The following RALYL variants were observed in gnomAD, a reference collection of about 807,000 sequenced individuals.
The protein encoded by RALYL is RALY RNA binding protein like.
A neutral mutation model predicts 35.1 loss-of-function variants in RALYL; 29 were observed. That is an observed-to-expected ratio of 0.83 (90% CI 0.61 to 1.13). The LOEUF (loss-of-function observed/expected upper bound fraction) is 1.13. Among genes scored for constraint, RALYL ranks in the 50% most tolerant of loss-of-function variants. RALYL has a pLI of 0.00. For synonymous variants in RALYL, 120 were observed against 127.6 expected (o/e 0.94, Z 0.40); for missense variants, 359 against 360.4 (o/e 1.00, Z 0.03).
chr8:84,352,815 G>A (rs1010817152), intron 1 of RALYL, among the ~76,000 whole-genome samples: 1 of 150,188 alleles, frequency 6.7e-6, no homozygotes, highest in South Asian at 2.1e-4. Context: ...TGTTGGCCAT[G>A]GGGAACTGAT....
At chr8:84,480,903 G>T (rs2053973928) in intron 1 of RALYL, among the ~76,000 whole-genome samples, 1 of 151,948 alleles carries the variant, frequency 6.6e-6, no homozygotes, top group African/African-American at 2.4e-5. Context: ...ATAAAATAGA[G>T]ATATTCAGAG....
intron 4 of RALYL, among the ~76,000 whole-genome samples, chr8:84,816,638 C>T (rs550086371): frequency 2.6e-5 from 4 of 151,696 alleles, no homozygotes; most frequent in South Asian, 4.2e-4. Flanking sequence ...GGGGCAGGGG[C>T]GGGGGTATGG....
chr8:84,870,273 T>C (rs1839957574), intron 6 of RALYL, among the ~76,000 whole-genome samples: 1 of 151,812 alleles, frequency 6.6e-6, no homozygotes, highest in African/African-American at 2.4e-5. Context: ...TTTTTTTTTT[T>C]TTTGAGTCAG....
intron 2 of RALYL, among the ~76,000 whole-genome samples, chr8:84,722,645 A>ATATATATATG (rs1336047176): frequency 7.2e-6 from 1 of 138,796 alleles, no homozygotes; most frequent in African/African-American, 2.7e-5. Context: ...ATATATATAT[A>ATATATATATG]TATGTATGTA....
rs545546826 is a variant in RALYL, at chr8:84,812,504, G to A, written c.365+7702G>A. Among the ~76,000 whole-genome samples the A allele has an allele frequency of 7.9e-5, 12 of 152,106 alleles. No individual in the cohort carries two copies. The South Asian group carries it at 1.0e-3, about 13-fold the overall frequency. On this transcript the variant is annotated intron_variant, in intron 4 of 8. Transcript: ENST00000521268. ...GGCCCTAGAACTCCCAAGATTATAT[G>A]CCCTTTGTCTTCAGCTACCAGGGTG...
intron 1 of RALYL, among the ~76,000 whole-genome samples, chr8:84,309,384 T>G (rs1343547752): frequency 6.6e-6 from 1 of 151,636 alleles, no homozygotes; most frequent in Non-Finnish European, 1.5e-5. Context: ...GTACTGAAGG[T>G]ATACTAATAA....
At chr8:84,324,922 C>G (rs1845538604) in intron 1 of RALYL, among the ~76,000 whole-genome samples, 1 of 152,098 alleles carries the variant, frequency 6.6e-6, no homozygotes, top group Non-Finnish European at 1.5e-5. Flanking sequence ...TGTAAAGGCC[C>G]TTGTTACTCT....
At chr8:84,882,740 C>A (rs1842376554) in intron 7 of RALYL, among the ~76,000 whole-genome samples, 1 of 152,004 alleles carries the variant, frequency 6.6e-6, no homozygotes, top group Admixed American at 6.6e-5. Flanking sequence ...TACACACAAA[C>A]ACACATACAC....
chr8:84,376,256 T>C (rs1856893611), intron 1 of RALYL, among the ~76,000 whole-genome samples: 1 of 151,894 alleles, frequency 6.6e-6, no homozygotes. Flanking sequence ...ATTTTACATT[T>C]TTACAAAACA....
At chr8:84,765,512 G>A (rs1434207043) in intron 2 of RALYL, among the ~76,000 whole-genome samples, 1 of 152,126 alleles carries the variant, frequency 6.6e-6, no homozygotes, top group African/African-American at 2.4e-5. Context: ...TAATTTCTCA[G>A]TATCTCAAAC....
chr8:84,632,039 G>T (rs28760488), intron 2 of RALYL, among the ~76,000 whole-genome samples: 29,432 of 151,436 alleles, frequency 0.19, 3,113 homozygotes, highest in Non-Finnish European at 0.23. Flanking sequence ...TATTAGGAAG[G>T]GCATCCTTTG....
chr8:84,680,868 G>A (rs1835320274), intron 2 of RALYL, among the ~76,000 whole-genome samples: 1 of 151,910 alleles, frequency 6.6e-6, no homozygotes, highest in Non-Finnish European at 1.5e-5. Flanking sequence ...GATCCCATTT[G>A]TCAATTTTGG....
intron 1 of RALYL, among the ~76,000 whole-genome samples, chr8:84,256,556 A>G (rs1831242183): frequency 6.6e-6 from 1 of 152,114 alleles, no homozygotes; most frequent in Non-Finnish European, 1.5e-5. Flanking sequence ...CTGTATCCTT[A>G]AAATAGTAGG....
intron 2 of RALYL, among the ~76,000 whole-genome samples, chr8:84,706,511 G>A (rs1214167628): frequency 2.6e-5 from 4 of 152,134 alleles, no homozygotes; most frequent in Non-Finnish European, 5.9e-5. Flanking sequence ...ATGGAGGGGA[G>A]AGAGTTAATT....
chr8:84,822,381 T>A (rs2134249059), intron 4 of RALYL, among the ~76,000 whole-genome samples: 1 of 152,318 alleles, frequency 6.6e-6, no homozygotes, highest in East Asian at 1.9e-4. Context: ...TTTTCTTAAG[T>A]TGCCAGGTTT....
At chr8:84,681,415 C>CA (rs746888542) in intron 2 of RALYL, among the ~76,000 whole-genome samples, 1 of 152,100 alleles carries the variant, frequency 6.6e-6, no homozygotes. Flanking sequence ...ATGGGGATGG[C>CA]ATTGAATCTA....
rs982290835 is a variant in RALYL, at chr8:84,473,946, A to T, written c.-23-55353A>T. Among the ~76,000 whole-genome samples, 20 of 152,160 alleles carry T rather than the reference A, an allele frequency of 1.3e-4. 2 individuals are homozygous for T. The South Asian group carries it at 3.9e-3, about 30-fold the overall frequency. ...TTTTTAAATTCTTTGTCTCAAAAAT[A>T]AAATGGAATTTGGTTCATTATATGA... On this transcript the variant is annotated intron_variant, in intron 1 of 8. Coordinates refer to ENST00000521268, the MANE Select transcript of RALYL (RefSeq NM_173848.7).
intron 1 of RALYL, among the ~76,000 whole-genome samples, chr8:84,462,435 T>C (rs555750087): frequency 6.9e-6 from 1 of 145,254 alleles, no homozygotes; most frequent in East Asian, 2.0e-4. Flanking sequence ...GTTTTTACTC[T>C]CTTTGTAAAA....
At chr8:84,597,627 G>A (rs1380036980) in intron 2 of RALYL, among the ~76,000 whole-genome samples, 1 of 151,948 alleles carries the variant, frequency 6.6e-6, no homozygotes, top group Non-Finnish European at 1.5e-5. Context: ...CTGGGCTTCT[G>A]TTCACTTTTG....
Sources: gnomAD v4.1 joint callset for allele counts (sites outside exome capture counted in the v4.1 genomes callset) on GRCh38, gnomAD v4.1.1 for gene constraint, MANE v1.5 for transcripts, NCBI Gene and HGNC (gene_info 2026-07-23, HGNC 2026-07-21) for gene names.